STPG2: variants seen among roughly 807,000 people sequenced by gnomAD.
The protein encoded by STPG2 is sperm tail PG-rich repeat containing 2.
In STPG2, 56 loss-of-function variants were observed where a neutral mutation model predicts 54.2. That is an observed-to-expected ratio of 1.03 (90% confidence interval 0.83 to 1.29). The LOEUF (loss-of-function observed/expected upper bound fraction) is 1.29. Ranked by LOEUF, STPG2 falls within the 50% of genes most tolerant of loss-of-function variation. The pLI, the probability that STPG2 is intolerant of heterozygous loss-of-function variation, is 0.00. For synonymous variants in STPG2, 200 were observed against 181.8 expected (o/e 1.10, Z -0.81); for missense variants, 596 against 544.9 (o/e 1.09, Z -0.93).
At chr4:97,865,176 T>A (rs190966418) in intron 8 of STPG2, among the ~76,000 whole-genome samples, 1 of 151,586 alleles carries the variant, frequency 6.6e-6, no homozygotes. Context: ...TGGGAGAAAA[T>A]TTTTGCAATC....
intron 10 of STPG2, among the ~76,000 whole-genome samples, chr4:97,578,383 T>G (rs989846161): frequency 9.2e-5 from 14 of 152,120 alleles, no homozygotes; most frequent in African/African-American, 2.9e-4. Flanking sequence ...AGTTTCAATA[T>G]GTAGCCAACT....
intron 4 of STPG2, among the ~76,000 whole-genome samples, chr4:97,443,072 C>T (rs113169922): frequency 0.016 from 2,473 of 152,146 alleles, 65 homozygotes; most frequent in African/African-American, 0.057. Context: ...GAATTTATTT[C>T]GGCTTAAACC....
rs147933911 is a variant in STPG2 at position 98,105,990 on chromosome 4, C to T, written c.575G>A (p.Arg192Gln). 9.2e-5 allele frequency: 144 copies of T among 1,558,496 alleles called. No homozygotes were observed. Among genetic ancestry groups the T allele is most frequent in the Non-Finnish European group, 1.2e-4 (131 of 1,137,428 alleles). ...QQQNYCSFIP[R>Q]LYEIIVLQEK... is the part of the protein sequence containing the mutation. ...CTGCAATACTATTATTTCATATAGTCGTGGGATAAATGAACAATAATTTTG... is the reference window on the plus strand; with the variant it reads ...CTGCAATACTATTATTTCATATAGTTGTGGGATAAATGAACAATAATTTTG... Residue 192 changes from arginine to glutamine, a missense_variant, in exon 5 of 11, where the codon CGA becomes CAA. Physicochemically the swap from Arg to Gln is conservative, Grantham distance 43 (BLOSUM62 1). Transcript: ENST00000295268.
At chr4:97,532,471 G>A (rs186773275) in intron 4 of STPG2, among the ~76,000 whole-genome samples, 9 of 151,998 alleles carry the variant, frequency 5.9e-5, no homozygotes, top group Middle Eastern at 3.4e-3. Flanking sequence ...TCTACTTGAC[G>A]ATATAAAGTG....
At chr4:97,607,614 G>A (rs184973293) in intron 10 of STPG2, among the ~76,000 whole-genome samples, 6 of 152,100 alleles carry the variant, frequency 3.9e-5, no homozygotes, top group Admixed American at 3.3e-4. Flanking sequence ...TACATTGCCC[G>A]AACTAACTAG....
chr4:97,886,348 TAACA>T, intron 8 of STPG2, among the ~76,000 whole-genome samples: 1 of 152,302 alleles, frequency 6.6e-6, no homozygotes, highest in Admixed American at 6.5e-5. Context: ...ACAGACTAAC[TAACA>T]TATTTAAGAT....
intron 10 of STPG2, among the ~76,000 whole-genome samples, chr4:97,591,991 T>C (rs1356276514): frequency 6.6e-6 from 1 of 152,180 alleles, no homozygotes; most frequent in Non-Finnish European, 1.5e-5. Context: ...TTAAATGATA[T>C]GCCTAAAACT....
intron 5 of STPG2, among the ~76,000 whole-genome samples, chr4:98,060,894 T>C (rs527465657): frequency 5.9e-5 from 9 of 152,216 alleles, no homozygotes; most frequent in Non-Finnish European, 1.3e-4. Flanking sequence ...GACCCCTTCC[T>C]TTTGCCATAT....
intron 4 of STPG2, among the ~76,000 whole-genome samples, chr4:97,494,509 C>T (rs1375005431): frequency 4.0e-5 from 6 of 151,496 alleles, no homozygotes; most frequent in Non-Finnish European, 7.4e-5. Context: ...TAGAAGTCAT[C>T]TTGTCTTTGT....
chr4:97,934,316 T>A (rs1732665826), intron 8 of STPG2, among the ~76,000 whole-genome samples: 1 of 152,190 alleles, frequency 6.6e-6, no homozygotes. Flanking sequence ...ACAGAGACAA[T>A]CTGACTTCCT....
At chr4:97,743,614 A>C (rs181933963) in intron 9 of STPG2, among the ~76,000 whole-genome samples, 22 of 151,832 alleles carry the variant, frequency 1.4e-4, no homozygotes, top group Admixed American at 1.4e-3. Context: ...ATAAAGCAGA[A>C]TTTATTTAGC....
intron 7 of STPG2, among the ~76,000 whole-genome samples, chr4:97,949,779 A>G (rs1385047602): frequency 6.6e-6 from 1 of 152,202 alleles, no homozygotes; most frequent in Non-Finnish European, 1.5e-5. Context: ...TTTCCCTTAC[A>G]GGTTACCTGA....
In STPG2 at chr4:97,468,447, T is replaced by C. The variant is rs563360018; in HGVS notation, c.462+244252A>G. 3.3e-5 allele frequency among the ~76,000 whole-genome samples: 5 copies of C among 152,132 alleles called. No individual in the cohort carries two copies. The South Asian group carries it at 8.3e-4, about 25-fold the overall frequency. On this transcript the variant is annotated intron_variant, in intron 4 of 4. Transcript: ENST00000522676. The stretch of plus-strand genomic sequence containing the variant: ...AAATGAGCTTAATTGCACAGGTTGC[T>C]ATAACTGACGTCACCTAAATGGGAG...
At chr4:97,685,255 C>T (rs528057052) in intron 10 of STPG2, among the ~76,000 whole-genome samples, 15 of 152,124 alleles carry the variant, frequency 9.9e-5, no homozygotes, top group Non-Finnish European at 2.1e-4. Context: ...AGACAAAAAA[C>T]CTGCACATGA....
At chr4:98,009,077 C>G (rs1735660267) in intron 5 of STPG2, among the ~76,000 whole-genome samples, 1 of 151,698 alleles carries the variant, frequency 6.6e-6, no homozygotes, top group Non-Finnish European at 1.5e-5. Context: ...TTTTTAAAAA[C>G]CCAACTCTTA....
At chr4:97,994,855 T>C (rs1027876451) in intron 5 of STPG2, among the ~76,000 whole-genome samples, 12 of 152,034 alleles carry the variant, frequency 7.9e-5, no homozygotes, top group African/African-American at 2.9e-4. Flanking sequence ...GATGCAGCCA[T>C]AGAGCTCCCA....
intron 10 of STPG2, among the ~76,000 whole-genome samples, chr4:97,689,775 GA>G (rs1723307440): frequency 6.6e-6 from 1 of 151,804 alleles, no homozygotes; most frequent in Non-Finnish European, 1.5e-5. Flanking sequence ...CTCTCAAAAG[GA>G]AGTCTTAACT....
intron 9 of STPG2, among the ~76,000 whole-genome samples, chr4:97,759,562 T>C (rs1267990446): frequency 6.6e-6 from 1 of 152,172 alleles, no homozygotes; most frequent in East Asian, 1.9e-4. Context: ...TTTAGCAATA[T>C]TGCAAGGTCA....
intron 5 of STPG2, among the ~76,000 whole-genome samples, chr4:98,043,792 G>A (rs1390204706): frequency 1.3e-5 from 2 of 151,742 alleles, no homozygotes; most frequent in Admixed American, 6.6e-5. Flanking sequence ...TTTTAGGTTT[G>A]GGAGTACATG....
Sources: allele counts gnomAD v4.1 joint callset (sites outside exome capture counted in the v4.1 genomes callset), GRCh38; gene constraint gnomAD v4.1.1; transcripts MANE v1.5; gene names NCBI Gene and HGNC (gene_info 2026-07-23, HGNC 2026-07-21).